PDE1C: variants seen among roughly 807,000 people sequenced by gnomAD.
PDE1C encodes phosphodiesterase 1C.
A neutral mutation model predicts 93.1 loss-of-function variants in PDE1C; 62 were observed. The ratio of observed to expected loss-of-function variants is 0.67; its 90% confidence interval spans 0.54 to 0.82. PDE1C has a LOEUF of 0.82. Among genes scored for constraint, PDE1C ranks in the 40% least tolerant of loss-of-function variants. PDE1C has a pLI of 0.00. For missense variants in PDE1C, 742 were observed against 884.6 expected (o/e 0.84, Z 2.04); for synonymous variants, 325 against 310.1 (o/e 1.05, Z -0.50).
intron 17 of PDE1C, among the ~76,000 whole-genome samples, chr7:31,761,730 C>G (rs113766387): frequency 1.3e-5 from 2 of 152,166 alleles, no homozygotes; most frequent in African/African-American, 4.8e-5. Flanking sequence ...ATTGTTTAAG[C>G]TCTTCAGATA....
chr7:31,769,731 A>G (rs1384514220), intron 17 of PDE1C, among the ~76,000 whole-genome samples: 1 of 152,172 alleles, frequency 6.6e-6, no homozygotes, highest in Non-Finnish European at 1.5e-5. Context: ...ACCCCTAAAA[A>G]CAACCTCATA....
intron 1 of PDE1C, among the ~76,000 whole-genome samples, chr7:32,394,419 T>A (rs1488209209): frequency 6.6e-6 from 1 of 152,234 alleles, no homozygotes; most frequent in Non-Finnish European, 1.5e-5. Context: ...AGAAGGTGTT[T>A]GGGTGATGGG....
chr7:32,183,981 G>A (rs919030613), intron 2 of PDE1C, among the ~76,000 whole-genome samples: 3 of 152,052 alleles, frequency 2.0e-5, no homozygotes, highest in African/African-American at 7.3e-5. Context: ...TCAAAAAGTG[G>A]GCAAAGGATA....
the PDE1C span, among the ~76,000 whole-genome samples, chr7:31,665,819 G>A: frequency 6.6e-6 from 1 of 152,122 alleles, no homozygotes; most frequent in South Asian, 2.1e-4. Context: ...TTCCTTTGAT[G>A]TATATAGATA....
At chr7:32,011,807 G>C (rs371819400) in intron 2 of PDE1C, among the ~76,000 whole-genome samples, 1 of 152,162 alleles carries the variant, frequency 6.6e-6, no homozygotes, top group African/African-American at 2.4e-5. Context: ...ATATGATGTA[G>C]CCATTCCACT....
At chr7:31,863,299 C>T (rs559464597) in intron 7 of PDE1C, among the ~76,000 whole-genome samples, 1 of 152,188 alleles carries the variant, frequency 6.6e-6, no homozygotes, top group African/African-American at 2.4e-5. Flanking sequence ...TTTGTCTAGA[C>T]CTATCGAGGT....
intron 3 of PDE1C, among the ~76,000 whole-genome samples, chr7:32,107,276 G>A (rs564964410): frequency 9.3e-5 from 14 of 150,606 alleles, no homozygotes; most frequent in East Asian, 7.8e-4. Context: ...TAGGGTGAGA[G>A]GGAGGGAAGG....
intron 2 of PDE1C, among the ~76,000 whole-genome samples, chr7:31,992,862 AG>A (rs1267263226): frequency 3.3e-5 from 5 of 152,182 alleles, no homozygotes; most frequent in African/African-American, 1.2e-4. Context: ...CTTGGGTGGA[AG>A]ACACTGCATA....
At chr7:31,968,533 C>A (rs1261673064) in intron 2 of PDE1C, among the ~76,000 whole-genome samples, 3 of 152,000 alleles carry the variant, frequency 2.0e-5, no homozygotes, top group Admixed American at 1.3e-4. Context: ...GGCCATACTG[C>A]CCAAGGTAAT....
chr7:31,751,128 C>T (rs1427701919), downstream of PDE1C: 1 of 152,152 alleles, frequency 6.6e-6, no homozygotes, highest in East Asian at 1.9e-4. Context: ...ATTTAGCTAA[C>T]ATCTAACATC....
At position 31,823,216 on chromosome 7, in the gene PDE1C, C is replaced by T. The variant is rs762050534; in HGVS notation, c.1439G>A (p.Arg480Gln). The T allele has an allele frequency of 6.5e-5, 105 of 1,611,562 alleles. No homozygotes were observed. The highest frequency in any genetic ancestry group is 7.9e-5 in the Non-Finnish European group (93 of 1,178,960). ...LNSISSSDAKRSGVKTSGSEG... is the reference protein window; with the variant it reads ...LNSISSSDAKQSGVKTSGSEG... ...TGAACCAGAGGTCTTGACACCTGATCGCTTGGCATCTGACGAGCTGATGCT... is the reference window on the plus strand; with the variant it reads ...TGAACCAGAGGTCTTGACACCTGATTGCTTGGCATCTGACGAGCTGATGCT... The change falls in exon 14 of 18, where the codon CGA (arginine) becomes CAA (glutamine). Residue 480 changes from arginine (R) to glutamine (Q), a missense_variant. Physicochemically the swap from Arg to Gln is conservative, Grantham distance 43. This residue lies in a region of PDE1C where 454 missense variants were observed against 459.4 expected (regional missense o/e 0.99). Coordinates refer to ENST00000396191, the MANE Select transcript of PDE1C (RefSeq NM_001191057.4).
intron 1 of PDE1C, among the ~76,000 whole-genome samples, chr7:32,372,037 A>G (rs1784343844): frequency 6.7e-6 from 1 of 148,536 alleles, no homozygotes; most frequent in African/African-American, 2.5e-5. Flanking sequence ...AAACCCAAAC[A>G]TCTATGGTCA....
At chr7:32,055,247 C>T (rs1175242209) in intron 1 of PDE1C, among the ~76,000 whole-genome samples, 1 of 152,094 alleles carries the variant, frequency 6.6e-6, no homozygotes, top group African/African-American at 2.4e-5. Context: ...TGAGGACATC[C>T]ACCACAGCTG....
intron 2 of PDE1C, among the ~76,000 whole-genome samples, chr7:31,956,251 G>A (rs574447865): frequency 3.9e-5 from 6 of 151,990 alleles, no homozygotes; most frequent in Admixed American, 6.5e-5. Flanking sequence ...GCACCACCAC[G>A]CCCAGCTAAT....
At chr7:31,717,696 C>A in the PDE1C span, among the ~76,000 whole-genome samples, 2 of 152,152 alleles carry the variant, frequency 1.3e-5, no homozygotes, top group Admixed American at 1.3e-4. Context: ...ATTAGCTATA[C>A]CAGTTCTGGA....
At chr7:32,048,639 A>G (rs938624362) in intron 2 of PDE1C, among the ~76,000 whole-genome samples, 6 of 152,126 alleles carry the variant, frequency 3.9e-5, no homozygotes, top group African/African-American at 1.4e-4. Context: ...GGTGGATCAG[A>G]TTCAAACCAG....
chr7:32,263,367 G>A (rs1418587916), intron 1 of PDE1C, among the ~76,000 whole-genome samples: 1 of 151,936 alleles, frequency 6.6e-6, no homozygotes, highest in Non-Finnish European at 1.5e-5. Context: ...GTGTGTGTCT[G>A]TGTGTCTGTG....
chr7:31,785,962 A>G (rs1019637685), intron 16 of PDE1C: 1 of 152,190 alleles, frequency 6.6e-6, no homozygotes, highest in Admixed American at 6.5e-5. Context: ...GAGGCCTTTA[A>G]TCATGGATCA....
intron 1 of PDE1C, among the ~76,000 whole-genome samples, chr7:32,324,978 G>A (rs927301576): frequency 1.3e-5 from 2 of 152,158 alleles, no homozygotes; most frequent in African/African-American, 4.8e-5. Flanking sequence ...TGCACTCTGT[G>A]AAACTCCAAG....
Sources: gnomAD v4.1 joint callset for allele counts (sites outside exome capture counted in the v4.1 genomes callset) on GRCh38, gnomAD v4.1.1 for gene constraint, gnomAD v4.1.1 regional missense constraint, MANE v1.5 for transcripts, NCBI Gene and HGNC (gene_info 2026-07-23, HGNC 2026-07-21) for gene names.